Variants in RGS6 observed in about 807,000 individuals in gnomAD.
The protein encoded by RGS6 is regulator of G protein signaling 6, also known as regulator of G-protein signaling 6.
RGS6 carries 30 observed loss-of-function variants against 78.5 expected under a neutral mutation model. The observed-to-expected ratio is 0.38, with a 90% CI of 0.29 to 0.52. The LOEUF is 0.52. Ranked by LOEUF, RGS6 falls within the 20% of genes least tolerant of loss-of-function variation. The pLI, the probability that RGS6 is intolerant of heterozygous loss-of-function variation, is 0.85. For synonymous variants in RGS6, 206 were observed against 206.0 expected, an observed-to-expected ratio of 1.00 and a Z score of 0.00; for missense variants, 495 against 609.7, an observed-to-expected ratio of 0.81 and a Z score of 1.98.
At chr14:72,012,179 G>A (rs1250306518) in intron 2 of RGS6, among the ~76,000 whole-genome samples, 1 of 151,968 alleles carries the variant, frequency 6.6e-6, no homozygotes, top group Admixed American at 6.6e-5. Flanking sequence ...CTTATTAGGT[G>A]GGTTTCTGTT....
intron 2 of RGS6, among the ~76,000 whole-genome samples, chr14:72,186,899 C>G (rs2097255785): frequency 6.6e-6 from 1 of 152,166 alleles, no homozygotes; most frequent in Non-Finnish European, 1.5e-5. Context: ...AACAGAACTT[C>G]TTTTGAGCCC....
chr14:72,521,985 C>A (rs887730987), intron 15 of RGS6, among the ~76,000 whole-genome samples: 18 of 152,184 alleles, frequency 1.2e-4, no homozygotes, highest in Admixed American at 9.2e-4. Flanking sequence ...TTTCACATAA[C>A]CTTAGCACCC....
At chr14:72,112,898 A>G (rs996935599) in intron 2 of RGS6, among the ~76,000 whole-genome samples, 4 of 152,218 alleles carry the variant, frequency 2.6e-5, no homozygotes, top group South Asian at 2.1e-4. Context: ...TAAGAAACAC[A>G]CAGGGGGACA....
At chr14:71,944,829 G>A (rs528989945) in intron 1 of RGS6, among the ~76,000 whole-genome samples, 4 of 152,284 alleles carry the variant, frequency 2.6e-5, no homozygotes, top group South Asian at 4.1e-4. Context: ...ACCCTAGAGT[G>A]TACTTACACA....
intron 3 of RGS6, among the ~76,000 whole-genome samples, chr14:72,390,879 A>G (rs1198843743): frequency 6.6e-6 from 1 of 152,152 alleles, no homozygotes; most frequent in Non-Finnish European, 1.5e-5. Context: ...CTTTTATTCC[A>G]GGACTGAGAT....
intron 2 of RGS6, among the ~76,000 whole-genome samples, chr14:72,033,546 T>C (rs2091237819): frequency 6.6e-6 from 1 of 152,162 alleles, no homozygotes. Context: ...ATGCTTTGGT[T>C]ATTTACCCTC....
At chr14:71,916,783 C>T in the RGS6 span, among the ~76,000 whole-genome samples, 1 of 152,020 alleles carries the variant, frequency 6.6e-6, no homozygotes, top group Non-Finnish European at 1.5e-5. Flanking sequence ...CATTGTAGGG[C>T]AAAGGGTAAA....
chr14:72,425,729 A>C (rs2094407625), intron 3 of RGS6, among the ~76,000 whole-genome samples: 2 of 152,218 alleles, frequency 1.3e-5, no homozygotes, highest in Admixed American at 1.3e-4. Context: ...ATGTTTTGAA[A>C]GCTGGTTGTA....
intron 11 of RGS6, 87 bp from the exon 12 acceptor site, chr14:72,478,181 G>C: frequency 1.1e-6 from 1 of 924,170 alleles, no homozygotes; most frequent in Non-Finnish European, 1.7e-6. Context: ...TTGGATCTTG[G>C]TGGAAATGCA....
intron 13 of RGS6, among the ~76,000 whole-genome samples, chr14:72,499,967 A>G (rs1009193022): frequency 2.0e-5 from 3 of 152,254 alleles, no homozygotes; most frequent in Non-Finnish European, 4.4e-5. Flanking sequence ...GGGAGGATGG[A>G]TGAACAAGTC....
chr14:72,051,034 G>A lies in RGS6; in HGVS notation c.84+86159G>A, dbSNP rs147802313. Among the ~76,000 whole-genome samples the A allele has an allele frequency of 4.1e-3, 623 of 152,124 alleles. 2 individuals carry two copies. Among genetic ancestry groups the A allele is most frequent in the African/African-American group, 0.015 (606 of 41,486 alleles). ...TTTTGTTTGTATTTTTGTTATCCAT[G>A]TACATCTTTTGAAACTGAAAAAATG... On this transcript the variant is annotated intron_variant, in intron 2 of 17. Transcript: ENST00000553525.
chr14:72,389,049 T>C (rs113698404), intron 3 of RGS6, among the ~76,000 whole-genome samples: 3,616 of 152,286 alleles, frequency 0.024, 71 homozygotes, highest in Admixed American at 0.07. Flanking sequence ...CTCTCTTAGC[T>C]GCAAGAGAGA....
intron 2 of RGS6, among the ~76,000 whole-genome samples, chr14:72,250,164 G>A (rs571035340): frequency 1.3e-5 from 2 of 151,430 alleles, no homozygotes; most frequent in East Asian, 3.9e-4. Context: ...TGGGTGCAGT[G>A]CACCAGCATG....
At chr14:72,606,140 G>T in the RGS6 span, among the ~76,000 whole-genome samples, 1 of 151,932 alleles carries the variant, frequency 6.6e-6, no homozygotes, top group African/African-American at 2.4e-5. Flanking sequence ...GCCTCATCGT[G>T]TCTGGTATTA....
At chr14:72,058,823 C>T (rs990608659) in intron 2 of RGS6, among the ~76,000 whole-genome samples, 2 of 152,182 alleles carry the variant, frequency 1.3e-5, no homozygotes, top group Admixed American at 6.5e-5. Context: ...TATTAGACTA[C>T]ATCCAAGAAT....
chr14:72,047,805 A>G (rs562002584), intron 2 of RGS6, among the ~76,000 whole-genome samples: 4 of 151,868 alleles, frequency 2.6e-5, no homozygotes, highest in Admixed American at 6.6e-5. Context: ...AGTTCACTGC[A>G]ACCTCTGCCT....
the RGS6 span, among the ~76,000 whole-genome samples, chr14:71,923,707 A>G: frequency 6.6e-6 from 1 of 152,202 alleles, no homozygotes; most frequent in Non-Finnish European, 1.5e-5. Context: ...ATACTCTAGG[A>G]TTCAATTTCC....
intron 2 of RGS6, among the ~76,000 whole-genome samples, chr14:72,052,655 A>T (rs66840722): frequency 0.73 from 110,713 of 152,098 alleles, 40,607 homozygotes; most frequent in East Asian, 0.88. Context: ...TTCTTACTGA[A>T]TTTTTTAATG....
chr14:71,943,946 C>T (rs2091063757), intron 1 of RGS6, among the ~76,000 whole-genome samples: 1 of 152,022 alleles, frequency 6.6e-6, no homozygotes, highest in Non-Finnish European at 1.5e-5. Context: ...GTGGTTATAG[C>T]CTTCATTCTT....
Sources: allele counts gnomAD v4.1 joint callset (sites outside exome capture counted in the v4.1 genomes callset), GRCh38; gene constraint gnomAD v4.1.1; transcripts MANE v1.5; gene names NCBI Gene and HGNC (gene_info 2026-07-23, HGNC 2026-07-21).